The following IRAK1BP1 variants were observed in gnomAD, a reference collection of about 807,000 sequenced individuals.
The protein encoded by IRAK1BP1 is interleukin-1 receptor-associated kinase 1-binding protein 1.
A neutral mutation model predicts 28.0 loss-of-function variants in IRAK1BP1; 24 were observed. The observed-to-expected ratio is 0.86, with a 90% CI of 0.62 to 1.20. IRAK1BP1 has a LOEUF of 1.20. Ranked by LOEUF, IRAK1BP1 falls within the 50% of genes most tolerant of loss-of-function variation. The probability of loss-of-function intolerance (pLI) is 0.00; values close to 1 mark genes in which losing one functional copy is unlikely to be tolerated. For synonymous variants in IRAK1BP1, 131 were observed against 116.3 expected (o/e 1.13, Z -0.81); for missense variants, 336 against 316.7 (o/e 1.06, Z -0.46).
chr6:78,890,372 C>G (rs1771602229), intron 2 of IRAK1BP1, among the ~76,000 whole-genome samples: 1 of 151,348 alleles, frequency 6.6e-6, no homozygotes, highest in African/African-American at 2.4e-5. Context: ...ATGTAACAAC[C>G]TGCACGTTCT....
chr6:78,954,998 A>C, the IRAK1BP1 span: 1 of 1,439,724 alleles, frequency 6.9e-7, no homozygotes. Flanking sequence ...TTAATAAAAG[A>C]GCACTTACAC....
intron 1 of IRAK1BP1, among the ~76,000 whole-genome samples, chr6:78,879,314 C>T (rs978409486): frequency 2.6e-5 from 4 of 151,824 alleles, no homozygotes; most frequent in East Asian, 1.9e-4. Flanking sequence ...CAAACCTGCA[C>T]GTTGTGCACA....
At chr6:78,908,715 T>A (rs747806169) in intron 4 of IRAK1BP1, among the ~76,000 whole-genome samples, 1 of 152,124 alleles carries the variant, frequency 6.6e-6, no homozygotes, top group African/African-American at 2.4e-5. Flanking sequence ...CAGAAGAACT[T>A]CTGGGTTTAG....
chr6:78,952,417 C>CAAAAAAAAAAAA, the IRAK1BP1 span, among the ~76,000 whole-genome samples: 1 of 59,860 alleles, frequency 1.7e-5, no homozygotes, highest in East Asian at 5.1e-4. Flanking sequence ...GACTCTGTCC[C>CAAAAAAAAAAAA]AAAAAAAAAA....
At chr6:78,939,097 A>G (rs905590071) in intron 4 of IRAK1BP1, 2 of 151,772 alleles carry the variant, frequency 1.3e-5, no homozygotes, top group African/African-American at 4.8e-5. Context: ...AAAAATGGAC[A>G]GTAATTTTTA....
rs192326376 is a variant in IRAK1BP1, at chr6:78,899,304, A to G, written c.*970A>G. 1 of 152,336 alleles carries G rather than the reference A, an allele frequency of 6.6e-6. No homozygotes were observed. Among genetic ancestry groups the G allele is most frequent in the Admixed American group, 6.5e-5 (1 of 15,300 alleles). 9.4% of individuals were successfully genotyped at this position (152,336 alleles called of 1,614,324 possible). A position where few individuals can be genotyped will look rare whatever the true frequency, so the allele number is the denominator to read the frequency against. Reference sequence around the variant, plus strand: ...AGGAAGGTGAAGTCTACTGAGGGCTATCTCACATCTAACAGTTTCTTTACT... The same window carrying G: ...AGGAAGGTGAAGTCTACTGAGGGCTGTCTCACATCTAACAGTTTCTTTACT... On this transcript the variant is annotated 3_prime_UTR_variant, in exon 4 of 4. Coordinates refer to ENST00000369940, the MANE Select transcript of IRAK1BP1 (RefSeq NM_001010844.4).
At position 78,897,932 on chromosome 6, in the gene IRAK1BP1, A is replaced by G; in HGVS notation, c.485A>G (p.His162Arg). Residue 162 changes from histidine to arginine, a missense_variant, in exon 3 of 4, where the codon CAT (histidine) becomes CGT (arginine). His to Arg is a conservative substitution (Grantham distance 29). Coordinates refer to ENST00000369940, the MANE Select transcript of IRAK1BP1 (RefSeq NM_001010844.4). The stretch of plus-strand genomic sequence containing the variant: ...GTCATCAGCCCACCCCAGTTCTATC[A>G]TACTCCAGGTTCTGTTGAGAATCTT... ...SVVISPPQFY[H>R]TPGSVENLRR... 2 of 1,614,116 alleles carry G rather than the reference A, an allele frequency of 1.2e-6. No individual in the cohort carries two copies. The highest frequency in any genetic ancestry group is 1.1e-5 in the South Asian group (1 of 91,070).
intron 4 of IRAK1BP1, among the ~76,000 whole-genome samples, chr6:78,919,807 G>T (rs1284162730): frequency 6.6e-6 from 1 of 152,086 alleles, no homozygotes; most frequent in African/African-American, 2.4e-5. Context: ...AATCAAGGAG[G>T]AGGGACTCCT....
intron 4 of IRAK1BP1, chr6:78,939,353 A>C (rs1165666224): frequency 2.0e-5 from 3 of 151,822 alleles, no homozygotes; most frequent in Non-Finnish European, 4.4e-5. Flanking sequence ...CAGCATGATA[A>C]GGATACCGTA....
chr6:78,945,414 T>G lies in IRAK1BP1; in HGVS notation c.*74T>G. On this transcript the variant is annotated 3_prime_UTR_variant and NMD_transcript_variant, in exon 5 of 5. Transcript: ENST00000606868. The stretch of plus-strand genomic sequence containing the variant: ...TCCATGTTTTCTTTTGCAGAATTAT[T>G]CCTAGTGCCATGACTAAAACTGGAT... 6.2e-7 allele frequency: 1 copy of G among 1,611,922 alleles called. No individual in the cohort carries two copies. The highest frequency in any genetic ancestry group is 8.5e-7 in the Non-Finnish European group (1 of 1,178,028).
At chr6:78,906,837 T>G (rs1772273543), downstream of IRAK1BP1, among the ~76,000 whole-genome samples, 1 of 152,222 alleles carries the variant, frequency 6.6e-6, no homozygotes. Flanking sequence ...TATATTTTAT[T>G]TGCCAAAAAG....
the IRAK1BP1 span, chr6:78,961,636 G>A: frequency 1.3e-6 from 2 of 1,573,356 alleles, no homozygotes; most frequent in Non-Finnish European, 1.7e-6. Flanking sequence ...TCAGTAAATG[G>A]GTGGAAAGAT....
chr6:78,954,801 C>CA, the IRAK1BP1 span: 2 of 1,551,780 alleles, frequency 1.3e-6, no homozygotes, highest in East Asian at 2.4e-5. Flanking sequence ...AAAATATTTT[C>CA]AAAAATACTT....
In IRAK1BP1 at chr6:78,885,361, G is replaced by A. The variant is rs772901264; in HGVS notation, c.316-17G>A. On this transcript the variant is annotated splice_polypyrimidine_tract_variant and intron_variant, in intron 1 of 3. Transcript: ENST00000369940. ...CAAATATTTAGTAATCATACTCTTG[G>A]ACTTTTTCTGTTTCAGGCAGAAAAT... The A allele has an allele frequency of 5.4e-6, 8 of 1,476,976 alleles. No individual in the cohort carries two copies. In the Admixed American group the frequency reaches 5.5e-5, roughly 10 times the overall value. The allele number at this position is 1,476,976 out of a possible 1,614,324, so 91.5% of individuals were successfully genotyped here.
chr6:78,930,217 C>A (rs904849124), intron 4 of IRAK1BP1, among the ~76,000 whole-genome samples: 5 of 152,134 alleles, frequency 3.3e-5, no homozygotes, highest in African/African-American at 2.4e-5. Flanking sequence ...CCATGCCCAG[C>A]CTTGACAAAG....
chr6:78,931,153 C>T (rs948219053), intron 4 of IRAK1BP1, among the ~76,000 whole-genome samples: 1 of 152,004 alleles, frequency 6.6e-6, no homozygotes, highest in African/African-American at 2.4e-5. Flanking sequence ...GTAATCTTAG[C>T]ACATTGGAAG....
At chr6:78,970,528 T>C in the IRAK1BP1 span, among the ~76,000 whole-genome samples, 1 of 152,194 alleles carries the variant, frequency 6.6e-6, no homozygotes. Flanking sequence ...TACTTTAGAC[T>C]TATTACCTAA....
exon 5 of IRAK1BP1, chr6:78,946,173 C>G: frequency 6.2e-7 from 1 of 1,613,774 alleles, no homozygotes; most frequent in East Asian, 2.2e-5. Flanking sequence ...TGTGTCTTGG[C>G]GGTATTGATC....
At chr6:78,953,932 A>C in the IRAK1BP1 span, among the ~76,000 whole-genome samples, 3 of 152,120 alleles carry the variant, frequency 2.0e-5, no homozygotes, top group East Asian at 3.9e-4. Flanking sequence ...ATGAGAAATC[A>C]CTCTACATTA....
Sources: gnomAD v4.1 joint callset for allele counts (sites outside exome capture counted in the v4.1 genomes callset) on GRCh38, gnomAD v4.1.1 for gene constraint, MANE v1.5 for transcripts, NCBI Gene and HGNC (gene_info 2026-07-23, HGNC 2026-07-21) for gene names.